PGM2L1: variants seen among roughly 807,000 people sequenced by gnomAD.
PGM2L1 encodes phosphoglucomutase 2 like 1.
A neutral mutation model predicts 73.4 loss-of-function variants in PGM2L1; 35 were observed. That is an observed-to-expected ratio of 0.48 (90% CI 0.36 to 0.63). The LOEUF (loss-of-function observed/expected upper bound fraction) is 0.63. Among genes scored for constraint, PGM2L1 ranks in the 30% least tolerant of loss-of-function variants. The probability of loss-of-function intolerance (pLI) is 0.00; values close to 1 mark genes in which losing one functional copy is unlikely to be tolerated. For missense variants in PGM2L1, 570 were observed against 742.0 expected (o/e 0.77, Z 2.69); for synonymous variants, 225 against 253.8 (o/e 0.89, Z 1.08).
At chr11:74,397,986 G>T in intron 1 of PGM2L1, 65 bp downstream of exon 1, 1 of 1,468,228 alleles carries the variant, frequency 6.8e-7, no homozygotes, top group Non-Finnish European at 9.0e-7. Flanking sequence ...GCGCTGGGTG[G>T]GCACAGGAAA....
intron 5 of PGM2L1, among the ~76,000 whole-genome samples, chr11:74,356,485 GAC>G (rs1344803144): frequency 5.3e-5 from 8 of 152,050 alleles, no homozygotes; most frequent in Admixed American, 5.2e-4. Flanking sequence ...AGAATAGAAA[GAC>G]ACACCCTATT....
intron 5 of PGM2L1, among the ~76,000 whole-genome samples, chr11:74,368,209 G>T (rs531364016): frequency 1.3e-5 from 2 of 152,296 alleles, no homozygotes; most frequent in South Asian, 4.1e-4. Flanking sequence ...GCTGCAATGT[G>T]ACTTTATGAA....
In PGM2L1 at chr11:74,376,340, T is replaced by C. The variant is rs1034274660; in HGVS notation, c.112-1758A>G. Among the ~76,000 whole-genome samples the C allele has an allele frequency of 5.3e-5, 8 of 152,196 alleles. No individual in the cohort carries two copies. In the East Asian group the frequency reaches 1.3e-3, roughly 26 times the overall value. On this transcript the variant is annotated intron_variant, in intron 1 of 13. Coordinates refer to ENST00000298198, the MANE Select transcript of PGM2L1 (RefSeq NM_173582.6). ...GGCTGGCTCTAAAGCCTACACCATC[T>C]CACTACAGACAAACAAAATAATTGT...
At chr11:74,390,490 A>G (rs1316344873) in intron 1 of PGM2L1, among the ~76,000 whole-genome samples, 4 of 152,218 alleles carry the variant, frequency 2.6e-5, no homozygotes, top group South Asian at 4.1e-4. Flanking sequence ...CTATTGAAGG[A>G]CATCTTAGCT....
rs781530756 is a variant in PGM2L1 at position 74,345,555 on chromosome 11, C to T, written c.1132G>A (p.Asp378Asn). ...CWKKNKSRNA[D>N]VKNVYMLATT... ...GCTAACATATAAACGTTCTTCACAT[C>T]AGCATTTCTTGATTTATTTTTCTTC... is the stretch of plus-strand genomic sequence containing the variant. The change falls in exon 9 of 14, where the codon GAT (aspartate) becomes AAT (asparagine). Residue 378 changes from aspartate to asparagine, a missense_variant. Asp to Asn is a conservative substitution (Grantham distance 23). Transcript: ENST00000298198. The T allele has an allele frequency of 1.2e-6, 2 of 1,613,272 alleles. No individual in the cohort carries two copies. Among genetic ancestry groups the T allele is most frequent in the African/African-American group, 1.3e-5 (1 of 74,902 alleles).
At chr11:74,366,800 C>T (rs185687805) in intron 5 of PGM2L1, among the ~76,000 whole-genome samples, 21 of 152,200 alleles carry the variant, frequency 1.4e-4, no homozygotes, top group African/African-American at 2.6e-4. Context: ...ATTATGCAGA[C>T]TTATAAGCTC....
In PGM2L1 at chr11:74,351,333, T is replaced by G. The variant is rs768108797; in HGVS notation, c.749+50A>C. 5.3e-6 allele frequency: 8 copies of G among 1,500,490 alleles called. No individual in the cohort carries two copies. The African/African-American group carries it at 8.5e-5, about 16-fold the overall frequency. 92.9% of individuals were successfully genotyped at this position (1,500,490 alleles called of 1,614,324 possible). A position where few individuals can be genotyped will look rare whatever the true frequency, so the allele number is the denominator to read the frequency against. On this transcript the variant is annotated intron_variant, in intron 6 of 13. Transcript: ENST00000298198. The stretch of plus-strand genomic sequence containing the variant: ...TTTTATCACTTTTTATTCTCCTCAT[T>G]CTTTAACGTTATTCTGAAGTAGTAT...
chr11:74,394,130 A>T (rs1045427600), intron 1 of PGM2L1, among the ~76,000 whole-genome samples: 4 of 152,108 alleles, frequency 2.6e-5, no homozygotes, highest in Admixed American at 6.5e-5. Context: ...CCCATTGTGG[A>T]GATGTGTGCA....
rs1863206353 is a variant in PGM2L1, at chr11:74,398,031, C to T, written c.111+20G>A. 6.3e-7 allele frequency: 1 copy of T among 1,584,506 alleles called. No homozygotes were observed. Among genetic ancestry groups the T allele is most frequent in the African/African-American group, 1.3e-5 (1 of 74,472 alleles). ...GTGTGGGGGAGGCGACGGCGTTTGC[C>T]GGGCTGACCAGGTACCCACCTTATC... is the stretch of plus-strand genomic sequence containing the variant. On this transcript the variant is annotated intron_variant, in intron 1 of 13. Coordinates refer to ENST00000298198, the MANE Select transcript of PGM2L1 (RefSeq NM_173582.6).
rs1030701582 is a variant in PGM2L1 at position 74,336,659 on chromosome 11, G to C, written c.1862C>G (p.Ser621Cys). 6.2e-7 allele frequency: 1 copy of C among 1,603,774 alleles called. No individual in the cohort carries two copies. The highest frequency in any genetic ancestry group is 8.5e-7 in the Non-Finnish European group (1 of 1,172,758). ...QPSKNGLIWR[S>C]V is the part of the protein sequence containing the mutation. ...TGACATATTGGTGTACCCCTAAACA[G>C]AACGCCAGATCAGTCCATTCTTACT... Residue 621 changes from serine (S) to cysteine (C), a missense_variant, in exon 14 of 14, where the codon TCT (serine) becomes TGT (cysteine). Physicochemically the swap from Ser to Cys is moderately radical, Grantham distance 112. Transcript: ENST00000298198.
intron 5 of PGM2L1, among the ~76,000 whole-genome samples, chr11:74,363,230 A>C (rs1862594500): frequency 6.6e-6 from 1 of 152,214 alleles, no homozygotes; most frequent in Non-Finnish European, 1.5e-5. Flanking sequence ...TCTGGGACAC[A>C]TTTAAAGCAG....
intron 1 of PGM2L1, among the ~76,000 whole-genome samples, chr11:74,375,918 T>C (rs1295186474): frequency 6.6e-6 from 1 of 152,160 alleles, no homozygotes; most frequent in African/African-American, 2.4e-5. Context: ...ACCATGATAT[T>C]TCATAGAGAG....
intron 5 of PGM2L1, chr11:74,355,252 A>C: frequency 7.7e-7 from 1 of 1,292,006 alleles, no homozygotes; most frequent in Non-Finnish European, 1.1e-6. Flanking sequence ...TACAACAATC[A>C]GTCTTCAAAT....
At chr11:74,376,610 C>T (rs992402421) in intron 1 of PGM2L1, among the ~76,000 whole-genome samples, 6 of 151,316 alleles carry the variant, frequency 4.0e-5, no homozygotes, top group Non-Finnish European at 8.8e-5. Flanking sequence ...TGTATATATA[C>T]GTATGTATAC....
At position 74,378,305 on chromosome 11, in the gene PGM2L1, T is replaced by A. The variant is rs569919868; in HGVS notation, c.112-3723A>T. ...CAACAGAGTAAGACTCCGTCTCAATTAAAAAAAAAAGAAAAAGAAAAAGAA... is the reference window on the plus strand; with the variant it reads ...CAACAGAGTAAGACTCCGTCTCAATAAAAAAAAAAAGAAAAAGAAAAAGAA... On this transcript the variant is annotated intron_variant, in intron 1 of 13. Transcript: ENST00000298198. Among the ~76,000 whole-genome samples, 159 of 146,238 alleles carry A rather than the reference T, an allele frequency of 1.1e-3. 1 individual carries two copies. Among genetic ancestry groups the A allele is most frequent in the African/African-American group, 3.7e-3 (149 of 39,902 alleles).
chr11:74,370,219 T>C (rs1862731515), intron 4 of PGM2L1, among the ~76,000 whole-genome samples: 1 of 152,192 alleles, frequency 6.6e-6, no homozygotes, highest in East Asian at 1.9e-4. Flanking sequence ...AAAAAAATGT[T>C]AAAGGTCATG....
chr11:74,355,674 C>T (rs1046547947), intron 5 of PGM2L1: 4 of 508,176 alleles, frequency 7.9e-6, no homozygotes, highest in African/African-American at 7.8e-5. Context: ...ACCAAGGTGG[C>T]TATGGTGGTT....
chr11:74,377,334 C>T (rs767402757), intron 1 of PGM2L1, among the ~76,000 whole-genome samples: 1 of 152,002 alleles, frequency 6.6e-6, no homozygotes, highest in Non-Finnish European at 1.5e-5. Context: ...GAGGTTTCAC[C>T]GTGTTAGCCA....
Position 74,331,778 on chromosome 11 carries a change from C to T in PGM2L1, c.*4874G>A, listed in dbSNP as rs2134868449. 6.6e-6 allele frequency: 1 copy of T among 152,298 alleles called. No individual in the cohort carries two copies. Among genetic ancestry groups the T allele is most frequent in the South Asian group, 2.1e-4 (1 of 4,820 alleles). The allele number at this position is 152,298 out of a possible 1,614,324, so 9.4% of individuals were successfully genotyped here. ...ATTCACTTACATTTTAAAGACAGAACACACTTCATGTCAGTGGTAGGCTGA... is the reference window on the plus strand; with the variant it reads ...ATTCACTTACATTTTAAAGACAGAATACACTTCATGTCAGTGGTAGGCTGA... On this transcript the variant is annotated 3_prime_UTR_variant, in exon 14 of 14. Transcript: ENST00000298198.
Sources: allele counts gnomAD v4.1 joint callset (sites outside exome capture counted in the v4.1 genomes callset), GRCh38; gene constraint gnomAD v4.1.1; transcripts MANE v1.5; gene names NCBI Gene and HGNC (gene_info 2026-07-23, HGNC 2026-07-21).